The following STK11IP variants were observed in gnomAD, a reference collection of about 807,000 sequenced individuals.
STK11IP encodes the protein serine/threonine-protein kinase 11-interacting protein.
Under a neutral mutation model 131.7 loss-of-function variants are expected in STK11IP, and 103 were observed. The ratio of observed to expected loss-of-function variants is 0.78; its 90% CI spans 0.67 to 0.92. The LOEUF (loss-of-function observed/expected upper bound fraction) is 0.92. Ranked by LOEUF, STK11IP falls within the 40% of genes least tolerant of loss-of-function variation. The pLI is 0.00. For missense variants in STK11IP, 1,315 were observed against 1,385.7 expected (o/e 0.95, Z 0.81); for synonymous variants, 557 against 575.6 (o/e 0.97, Z 0.46).
chr2:219,616,292 T>A lies in STK11IP; in HGVS notation c.*99T>A. ...GGCTTCCAGGCTCTGGCTGTGGATG[T>A]CTTCAGCCTCTGGGTGCTGGCCAGT... On this transcript the variant is annotated 3_prime_UTR_variant, in exon 25 of 25. Transcript: ENST00000456909. The A allele has an allele frequency of 6.9e-7, 1 of 1,447,686 alleles. No homozygotes were observed. The highest frequency in any genetic ancestry group is 9.2e-7 in the Non-Finnish European group (1 of 1,083,878). 89.7% of individuals were successfully genotyped at this position (1,447,686 alleles called of 1,614,324 possible).
intron 23 of STK11IP, chr2:219,614,888 G>T (rs1206037320): frequency 2.8e-5 from 18 of 647,904 alleles, no homozygotes; most frequent in South Asian, 7.7e-5. Context: ...GTGGGGCAGT[G>T]GGGGGCGGTA....
In STK11IP at chr2:219,613,235, AG is replaced by A; in HGVS notation, c.2537+14del. 1 of 1,219,216 alleles carries A rather than the reference AG, an allele frequency of 8.2e-7. No homozygotes were observed. The highest frequency in any genetic ancestry group is 1.1e-6 in the Non-Finnish European group (1 of 880,928). The allele number at this position is 1,219,216 out of a possible 1,614,324, so 75.5% of individuals were successfully genotyped here. A position where few individuals can be genotyped will look rare whatever the true frequency, so the allele number is the denominator to read the frequency against. On this transcript the variant is annotated intron_variant, in intron 20 of 24. Coordinates refer to ENST00000456909, the MANE Select transcript of STK11IP (RefSeq NM_052902.4). ...TGACTGGGGAGATGCGGTGAGTGAG[AG>A]GGGAGATGCAGTGAGTAAGGGGGGA...
intron 19 of STK11IP, 131 bp from the exon 20 acceptor site, chr2:219,612,997 G>A: frequency 1.5e-6 from 1 of 655,914 alleles, no homozygotes; most frequent in Non-Finnish European, 2.7e-6. Context: ...TGTGAGGGAA[G>A]CTCCATAGAC....
In STK11IP at chr2:219,601,307, T is replaced by C. The variant is rs371638186; in HGVS notation, c.134T>C (p.Phe45Ser). 1.9e-6 allele frequency: 3 copies of C among 1,613,970 alleles called. No individual in the cohort carries two copies. Among genetic ancestry groups the C allele is most frequent in the East Asian group, 2.2e-5 (1 of 44,904 alleles). Reference protein sequence around the residue: ...TPTLQQLNHVFELHLGPWGPG... With the variant: ...TPTLQQLNHVSELHLGPWGPG... ...ACACTGCAACAGCTGAACCACGTAT[T>C]TGAGCTGCACCTGGGGCCATGGGGC... Residue 45 changes from phenylalanine to serine, a missense_variant, in exon 3 of 25, where the codon TTT becomes TCT. By Grantham distance (155) the Phe-to-Ser change is radical. Coordinates refer to ENST00000456909, the MANE Select transcript of STK11IP (RefSeq NM_052902.4).
chr2:219,611,531 A>G, intron 17 of STK11IP, 73 bp from the exon 18 acceptor site: 1 of 1,274,330 alleles, frequency 7.8e-7, no homozygotes, highest in Non-Finnish European at 1.1e-6. Context: ...ATGGGGAAGG[A>G]GCATCGTGAG....
Position 219,602,590 on chromosome 2 carries a change from G to C in STK11IP, c.546+15G>C, listed in dbSNP as rs1388006279. 2.5e-6 allele frequency: 4 copies of C among 1,613,274 alleles called. No individual in the cohort carries two copies. Among genetic ancestry groups the C allele is most frequent in the Non-Finnish European group, 3.4e-6 (4 of 1,179,404 alleles). On this transcript the variant is annotated intron_variant, in intron 6 of 24. Transcript: ENST00000456909. ...ACAGCTCCCTGGTGAGTGCCTCAGA[G>C]GGAAGAGGGTTTCGAGGAAGGGCAA...
At chr2:219,606,622 A>C in intron 11 of STK11IP, 90 bp from the exon 12 acceptor site, 1 of 1,601,298 alleles carries the variant, frequency 6.2e-7, no homozygotes. Context: ...TGGTCAGTGG[A>C]AAGTAGGGTC....
chr2:219,601,166 T>C (rs1697969813), intron 2 of STK11IP, 69 bp from the exon 3 acceptor site: 7 of 1,353,366 alleles, frequency 5.2e-6, no homozygotes, highest in African/African-American at 1.5e-5. Context: ...TTTGGCATCA[T>C]AGAGCCTTAG....
At chr2:219,614,911 A>G (rs1037840338) in intron 23 of STK11IP, 183 bp from the exon 24 acceptor site, 11 of 710,190 alleles carry the variant, frequency 1.5e-5, no homozygotes, top group Non-Finnish European at 2.1e-5. Flanking sequence ...CCTCAGAGGT[A>G]TTCCAGAGTA....
In STK11IP at chr2:219,606,822, G is replaced by A. The variant is rs759034291; in HGVS notation, c.1098G>A (p.Gly366=). The change falls in exon 12 of 25, where the codon GGG becomes GGA. Residue 366 remains glycine (G), a synonymous_variant. Transcript: ENST00000456909. ...ACCTGAGTGACAGCCTCTCCTCAGG[G>A]GGTGTTGTGACCCAGCCCCTGCTTC... ...GPDLSDSLSS[G]GVVTQPLLHK... is the part of the protein sequence containing the mutation. The A allele has an allele frequency of 6.2e-7, 1 of 1,613,380 alleles. No individual in the cohort carries two copies. The highest frequency in any genetic ancestry group is 1.3e-5 in the African/African-American group (1 of 74,934).
At chr2:219,602,650 A>G (rs1559177365) in intron 6 of STK11IP, 55 bp from the exon 7 acceptor site, 2 of 1,611,776 alleles carry the variant, frequency 1.2e-6, no homozygotes. Flanking sequence ...CAGCTGGTTG[A>G]CCAGATAGTA....
At position 219,613,121 on chromosome 2, in the gene STK11IP, C is replaced by T. The variant is rs1401378185; in HGVS notation, c.2440-7C>T. 2.0e-5 allele frequency: 32 copies of T among 1,610,480 alleles called. No homozygotes were observed. The highest frequency in any genetic ancestry group is 2.6e-5 in the Non-Finnish European group (31 of 1,178,306). On this transcript the variant is annotated splice_region_variant and splice_polypyrimidine_tract_variant and intron_variant, in intron 19 of 24. Coordinates refer to ENST00000456909, the MANE Select transcript of STK11IP (RefSeq NM_052902.4). ...TCAGGTTTCTCACCAACTTCCTCTT[C>T]CCCCAGGTGCCAGTGGCATTGGCAG...
At chr2:219,608,917 A>T in intron 15 of STK11IP, 129 bp downstream of exon 15, 1 of 1,201,792 alleles carries the variant, frequency 8.3e-7, no homozygotes, top group Non-Finnish European at 1.1e-6. Context: ...GGAGCCTCAG[A>T]GGTTGCAAGC....
intron 2 of STK11IP, among the ~76,000 whole-genome samples, chr2:219,600,902 C>T (rs1352152374): frequency 1.3e-5 from 2 of 152,290 alleles, no homozygotes; most frequent in South Asian, 4.1e-4. Context: ...TGTCTCATAA[C>T]AAGAGAGAAC....
chr2:219,609,384 CCA>C lies in STK11IP; in HGVS notation c.1949_1950del (p.Pro650ArgfsTer19). On this transcript the variant is annotated frameshift_variant, in exon 17 of 25. Coordinates refer to ENST00000456909, the MANE Select transcript of STK11IP (RefSeq NM_052902.4). LOFTEE classifies it high-confidence loss of function. ...TCAGGAGCTGCTTGCCGTGTTGACC[CCA>C]GTCACCAATGTGGCTCGGGAACAGC... is the stretch of plus-strand genomic sequence containing the variant. ...AVQELLAVLT[P>X]VTNVAREQLG... 5 of 1,613,800 alleles carry C rather than the reference CCA, an allele frequency of 3.1e-6. No homozygotes were observed. Among genetic ancestry groups the C allele is most frequent in the Non-Finnish European group, 4.2e-6 (5 of 1,179,870 alleles).
chr2:219,613,132 C>T lies in STK11IP; in HGVS notation c.2444C>T (p.Pro815Leu). Residue 815 changes from proline (P) to leucine (L), a missense_variant, in exon 20 of 25, where the codon CCA becomes CTA. By Grantham distance (98) the Pro-to-Leu change is moderately conservative. Transcript: ENST00000456909. ...ACCAACTTCCTCTTCCCCCAGGTGC[C>T]AGTGGCATTGGCAGGCCACACTGGG... ...QEEFQCCLKV[P>L]VALAGHTGEF... 1 of 1,611,846 alleles carries T rather than the reference C, an allele frequency of 6.2e-7. No homozygotes were observed. The highest frequency in any genetic ancestry group is 8.5e-7 in the Non-Finnish European group (1 of 1,179,224).
At chr2:219,606,686 C>A (rs748680221) in intron 11 of STK11IP, 26 bp from the exon 12 acceptor site, 1 of 1,598,980 alleles carries the variant, frequency 6.3e-7, no homozygotes, top group South Asian at 1.1e-5. Flanking sequence ...TCCAACCTCT[C>A]TCTCCTTCCT....
Position 219,606,033 on chromosome 2 carries a change from C to A in STK11IP, c.823C>A (p.Leu275Met). 6.2e-7 allele frequency: 1 copy of A among 1,606,756 alleles called. No homozygotes were observed. Among genetic ancestry groups the A allele is most frequent in the African/African-American group, 1.3e-5 (1 of 74,922 alleles). ...GGAAGGACACCGGGAGCTGTCACCACTGTGGCTGCTGGCTGAGCTCCGCAA... is the reference window on the plus strand; with the variant it reads ...GGAAGGACACCGGGAGCTGTCACCAATGTGGCTGCTGGCTGAGCTCCGCAA... ...LLEGHRELSP[L>M]WLLAELRKLY... The change falls in exon 9 of 25, where the codon CTG becomes ATG. Residue 275 changes from leucine (L) to methionine (M), a missense_variant. Leu to Met is a conservative substitution (Grantham distance 15, BLOSUM62 2). Transcript: ENST00000456909.
In STK11IP at chr2:219,598,168, C is replaced by G. The variant is rs1398766836; in HGVS notation, c.49C>G (p.Leu17Val). 6.4e-7 allele frequency: 1 copy of G among 1,564,490 alleles called. No homozygotes were observed. ...CCTGTTGTGGAAGCTCGCGGGGTTG[C>G]TGCGGGAGTCCGGTGAGTGGACTTC... Reference protein sequence around the residue: ...DSLLWKLAGLLRESGDVVLSG... With the variant: ...DSLLWKLAGLVRESGDVVLSG... Residue 17 changes from leucine to valine, a missense_variant, in exon 2 of 25, where the codon CTG becomes GTG. Leu to Val is a conservative substitution (Grantham distance 32). Transcript: ENST00000456909.
Sources: allele counts gnomAD v4.1 joint callset (sites outside exome capture counted in the v4.1 genomes callset), GRCh38; gene constraint gnomAD v4.1.1; transcripts MANE v1.5; gene names NCBI Gene and HGNC (gene_info 2026-07-23, HGNC 2026-07-21).